The following PLXNA2 variants were observed in gnomAD, a reference collection of about 807,000 sequenced individuals.
The protein encoded by PLXNA2 is plexin-A2.
In PLXNA2, 91 loss-of-function variants were observed where a neutral mutation model predicts 193.5. The observed-to-expected ratio is 0.47, with a 90% CI of 0.40 to 0.56. The LOEUF (loss-of-function observed/expected upper bound fraction) is 0.56. Ranked by LOEUF, PLXNA2 falls within the 20% of genes least tolerant of loss-of-function variation. PLXNA2 has a pLI of 0.00. For synonymous variants in PLXNA2, 997 were observed against 1,027.3 expected, an observed-to-expected ratio of 0.97 and a Z score of 0.56; for missense variants, 1,995 against 2,503.2, an observed-to-expected ratio of 0.80 and a Z score of 4.33.
At chr1:208,195,196 C>A (rs1670319392) in intron 3 of PLXNA2, among the ~76,000 whole-genome samples, 1 of 152,160 alleles carries the variant, frequency 6.6e-6, no homozygotes, top group Non-Finnish European at 1.5e-5. Flanking sequence ...TAGGTAGCAG[C>A]ATGAGCTAGC....
chr1:208,105,564 A>T (rs1213076415), intron 4 of PLXNA2, among the ~76,000 whole-genome samples: 1 of 152,142 alleles, frequency 6.6e-6, no homozygotes, highest in Non-Finnish European at 1.5e-5. Context: ...AGCCACCACC[A>T]CCACCACCAA....
intron 3 of PLXNA2, among the ~76,000 whole-genome samples, chr1:208,199,368 G>A (rs1358191827): frequency 6.6e-6 from 1 of 152,178 alleles, no homozygotes. Context: ...TGCTAGAGAG[G>A]CCGAGGTCAG....
intron 3 of PLXNA2, among the ~76,000 whole-genome samples, chr1:208,205,025 C>T (rs1670672690): frequency 6.6e-6 from 1 of 152,150 alleles, no homozygotes; most frequent in African/African-American, 2.4e-5. Context: ...GGATGTGAAA[C>T]CTGGGTTGAG....
intron 12 of PLXNA2, among the ~76,000 whole-genome samples, chr1:208,062,221 G>T (rs2102351894): frequency 6.6e-6 from 1 of 152,296 alleles, no homozygotes; most frequent in South Asian, 2.1e-4. Context: ...GTCCGATGGG[G>T]TGGGAGGGTC....
chr1:208,156,262 T>C (rs1668939332), intron 3 of PLXNA2, among the ~76,000 whole-genome samples: 1 of 152,260 alleles, frequency 6.6e-6, no homozygotes, highest in African/African-American at 2.4e-5. Flanking sequence ...GGGGCATTCA[T>C]CGAAAGAAGT....
intron 24 of PLXNA2, 127 bp downstream of exon 24, chr1:208,039,494 G>A: frequency 7.6e-7 from 1 of 1,314,224 alleles, no homozygotes; most frequent in East Asian, 2.3e-5. Flanking sequence ...GTTGTCCTTT[G>A]GGCTCACCCC....
Position 208,082,487 on chromosome 1 carries a change from T to A in PLXNA2, c.2320A>T (p.Ile774Phe), listed in dbSNP as rs143627584. The A allele has an allele frequency of 1.9e-4, 314 of 1,614,056 alleles. 1 individual carries two copies. Among genetic ancestry groups the A allele is most frequent in the Middle Eastern group, 1.3e-3 (8 of 6,062 alleles). ...GCGAAATCCACGGCCAGATTGCTGA[T>A]GTCCATGCCATCATACTGGTACTAT... ...NSSYQYDGMD[I>F]SNLAVDFAVV... The change falls in exon 11 of 32, where the codon ATC becomes TTC. Residue 774 changes from isoleucine to phenylalanine, a missense_variant. This residue lies in a region of PLXNA2 where 1,291 missense variants were observed against 1,673.6 expected (regional missense o/e 0.77). Transcript: ENST00000367033. The surrounding 1 kb of genome is among the most constrained non-coding windows in gnomAD (Gnocchi z 4.2).
At chr1:208,152,685 A>G (rs1411043415) in intron 3 of PLXNA2, among the ~76,000 whole-genome samples, 525 of 36,744 alleles carry the variant, frequency 0.014, 2 homozygotes, top group African/African-American at 0.031. Context: ...ACACACACGC[A>G]CACACACACA....
At chr1:208,175,886 A>G (rs1669649098) in intron 3 of PLXNA2, among the ~76,000 whole-genome samples, 1 of 152,164 alleles carries the variant, frequency 6.6e-6, no homozygotes, top group Non-Finnish European at 1.5e-5. Context: ...GGGACTCACT[A>G]GGATGGTTAT....
chr1:208,168,594 C>T (rs1402495834), intron 3 of PLXNA2, among the ~76,000 whole-genome samples: 1 of 152,166 alleles, frequency 6.6e-6, no homozygotes, highest in Non-Finnish European at 1.5e-5. Context: ...TCAAGGCATA[C>T]AGCTAGCCTG....
At chr1:208,181,103 G>A (rs1170649464) in intron 3 of PLXNA2, among the ~76,000 whole-genome samples, 1 of 152,228 alleles carries the variant, frequency 6.6e-6, no homozygotes, top group Non-Finnish European at 1.5e-5. Flanking sequence ...ACAAATGCAT[G>A]TGGGAGGTTC....
intron 4 of PLXNA2, among the ~76,000 whole-genome samples, chr1:208,125,971 G>C (rs1023708202): frequency 2.6e-5 from 4 of 152,254 alleles, no homozygotes; most frequent in African/African-American, 9.6e-5. Flanking sequence ...CAGGAGGAAA[G>C]ACAACATGGA....
intron 22 of PLXNA2, chr1:208,040,365 C>T (rs114920974): frequency 2.6e-6 from 1 of 384,130 alleles, no homozygotes; most frequent in African/African-American, 2.1e-5. Flanking sequence ...AGGCACCTCA[C>T]TATCCCACAG....
chr1:208,181,514 C>T (rs1189609000), intron 3 of PLXNA2, among the ~76,000 whole-genome samples: 1 of 152,240 alleles, frequency 6.6e-6, no homozygotes, highest in East Asian at 1.9e-4. Flanking sequence ...TGTGAAAAGA[C>T]CCCTGACCTC....
intron 1 of PLXNA2, among the ~76,000 whole-genome samples, chr1:208,239,164 A>G (rs1289633575): frequency 6.6e-6 from 1 of 151,938 alleles, no homozygotes; most frequent in Admixed American, 6.5e-5. Flanking sequence ...TAAAAAAAAA[A>G]AAAAGCACAA....
chr1:208,176,807 A>T (rs900126261), intron 3 of PLXNA2, among the ~76,000 whole-genome samples: 2 of 152,226 alleles, frequency 1.3e-5, no homozygotes, highest in African/African-American at 4.8e-5. Context: ...ACTCTTGAGC[A>T]CTGACAGTGT....
chr1:208,166,403 G>T (rs923825890), intron 3 of PLXNA2, among the ~76,000 whole-genome samples: 1 of 152,246 alleles, frequency 6.6e-6, no homozygotes, highest in African/African-American at 2.4e-5. Flanking sequence ...AAAAAGACAT[G>T]ATCATTGACC....
At chr1:208,176,999 T>A (rs1669679886) in intron 3 of PLXNA2, among the ~76,000 whole-genome samples, 1 of 136,820 alleles carries the variant, frequency 7.3e-6, no homozygotes, top group South Asian at 2.3e-4. Context: ...CTTTTGCCTC[T>A]TTCACAGCTC....
chr1:208,148,201 T>A (rs568054244), intron 3 of PLXNA2, among the ~76,000 whole-genome samples: 1 of 152,334 alleles, frequency 6.6e-6, no homozygotes, highest in African/African-American at 2.4e-5. Context: ...CTTCTCTAGT[T>A]AGCCCTAATT....
Sources: allele counts gnomAD v4.1 joint callset (sites outside exome capture counted in the v4.1 genomes callset), GRCh38; gene constraint gnomAD v4.1.1; regional missense constraint gnomAD v4.1.1; non-coding constraint Gnocchi (gnomAD v3.1); transcripts MANE v1.5; gene names NCBI Gene and HGNC (gene_info 2026-07-23, HGNC 2026-07-21).